The following CASP10 variants were observed in gnomAD, a reference collection of about 807,000 sequenced individuals.
CASP10 encodes caspase 10, also known as caspase-10.
Under a neutral mutation model 48.5 loss-of-function variants are expected in CASP10, and 41 were observed. The ratio of observed to expected loss-of-function variants is 0.85; its 90% CI spans 0.66 to 1.10. The LOEUF (loss-of-function observed/expected upper bound fraction) is 1.10, where lower values mean the gene tolerates loss of function less well. Ranked by LOEUF, CASP10 falls within the 50% of genes least tolerant of loss-of-function variation. The probability of loss-of-function intolerance (pLI) is 0.00; values close to 1 mark genes in which losing one functional copy is unlikely to be tolerated. For missense variants in CASP10, 614 were observed against 614.5 expected (o/e 1.00, Z 0.01); for synonymous variants, 232 against 238.4 (o/e 0.97, Z 0.25).
At chr2:201,225,337 T>C (rs1438879912), downstream of CASP10, among the ~76,000 whole-genome samples, 3 of 152,224 alleles carry the variant, frequency 2.0e-5, no homozygotes, top group Non-Finnish European at 4.4e-5. Context: ...TATAAATCCT[T>C]GTCCTCCAAA....
rs1443686978 is a variant in CASP10 at position 201,221,163 on chromosome 2, G to A, written c.*3422G>A. The A allele has an allele frequency of 1.0e-6, 1 of 985,394 alleles. No individual in the cohort carries two copies. Among genetic ancestry groups the A allele is most frequent in the Non-Finnish European group, 1.2e-6 (1 of 829,940 alleles). 61.0% of individuals were successfully genotyped at this position (985,394 alleles called of 1,614,324 possible). ...GTAATTCCAGCTGACTTTATTAGCG[G>A]CAACTCAGCACTAGCATTACCCCTG... On this transcript the variant is annotated 3_prime_UTR_variant, in exon 10 of 10. Coordinates refer to ENST00000286186, the MANE Select transcript of CASP10 (RefSeq NM_032977.4).
chr2:201,195,930 A>T lies in CASP10; in HGVS notation c.666A>T (p.Thr222=). The T allele has an allele frequency of 6.2e-7, 1 of 1,613,376 alleles. No individual in the cohort carries two copies. The highest frequency in any genetic ancestry group is 8.5e-7 in the Non-Finnish European group (1 of 1,179,336). The change falls in exon 5 of 10, where the codon ACA becomes ACT. Residue 222 remains threonine (T), a synonymous_variant. Coordinates refer to ENST00000286186, the MANE Select transcript of CASP10 (RefSeq NM_032977.4). ...EELVSQTDVK[T]FLEALPQESW... ...TAGTTTCCCAAACAGATGTTAAGAC[A>T]TTCTTGGAAGCCTTACCGGTAGGTT...
intron 5 of CASP10, among the ~76,000 whole-genome samples, chr2:201,202,947 T>C (rs1945072234): frequency 6.6e-6 from 1 of 152,232 alleles, no homozygotes; most frequent in Non-Finnish European, 1.5e-5. Context: ...TTTTTATTTG[T>C]TTTTTGATTT....
intron 5 of CASP10, among the ~76,000 whole-genome samples, chr2:201,203,473 A>C (rs1206253961): frequency 1.3e-5 from 2 of 151,870 alleles, no homozygotes; most frequent in African/African-American, 4.8e-5. Context: ...CACCCGGCTA[A>C]TTTTTTTATT....
intron 9 of CASP10, chr2:201,214,864 GGAT>G (rs1945518081): frequency 6.6e-6 from 1 of 151,926 alleles, no homozygotes; most frequent in African/African-American, 2.4e-5. Context: ...GGCATAGGAG[GGAT>G]GATATTAGGT....
chr2:201,207,756 CAA>C (rs766633480), intron 7 of CASP10, among the ~76,000 whole-genome samples: 8 of 127,678 alleles, frequency 6.3e-5, no homozygotes, highest in Admixed American at 8.1e-5. Flanking sequence ...GATGCTGTCT[CAA>C]AAAAAAAAAA....
At chr2:201,198,258 C>G (rs1283483855) in intron 5 of CASP10, among the ~76,000 whole-genome samples, 9 of 146,426 alleles carry the variant, frequency 6.1e-5, no homozygotes, top group Non-Finnish European at 1.3e-4. Context: ...GAGTCTCACT[C>G]TGTCGCCCAG....
chr2:201,189,381 G>C (rs1186926293), intron 3 of CASP10, among the ~76,000 whole-genome samples: 3 of 150,770 alleles, frequency 2.0e-5, no homozygotes, highest in Non-Finnish European at 4.4e-5. Flanking sequence ...TGATTCTCCT[G>C]CCTCAGCCTC....
intron 5 of CASP10, among the ~76,000 whole-genome samples, chr2:201,196,898 T>C (rs1274062322): frequency 3.9e-5 from 6 of 152,164 alleles, no homozygotes; most frequent in Admixed American, 3.9e-4. Context: ...TAAATTTGAC[T>C]TTTCAGGGTA....
Position 201,217,922 on chromosome 2 carries a change from T to A in CASP10, c.*181T>A. 1.4e-6 allele frequency: 2 copies of A among 1,448,044 alleles called. No individual in the cohort carries two copies. The highest frequency in any genetic ancestry group is 1.8e-6 in the Non-Finnish European group (2 of 1,101,224). 89.7% of individuals were successfully genotyped at this position (1,448,044 alleles called of 1,614,324 possible). ...TTGCAAGTCTAAATGTTAGAAAACT[T>A]TCTTTTTTTTGGAGATAGTCTCATT... On this transcript the variant is annotated 3_prime_UTR_variant, in exon 10 of 10. Transcript: ENST00000286186.
intron 5 of CASP10, among the ~76,000 whole-genome samples, chr2:201,202,512 T>C (rs1053436011): frequency 6.6e-6 from 1 of 152,212 alleles, no homozygotes; most frequent in Non-Finnish European, 1.5e-5. Context: ...AGCCTGCTGC[T>C]GTGTCTGCAT....
chr2:201,222,115 A>G (rs957789714), downstream of CASP10, among the ~76,000 whole-genome samples: 2 of 152,290 alleles, frequency 1.3e-5, no homozygotes, highest in African/African-American at 4.8e-5. Flanking sequence ...TATGAGGGGA[A>G]TAGGTAGATT....
At chr2:201,217,542 G>C (rs754524180) in intron 9 of CASP10, 46 bp from the exon 10 acceptor site, 2 of 1,320,934 alleles carry the variant, frequency 1.5e-6, no homozygotes, top group South Asian at 1.2e-5. Context: ...CTGGGCGACA[G>C]AGTGAGACTC....
At chr2:201,198,539 C>CTTTTTTTTTTTTTTT (rs34234167) in intron 5 of CASP10, among the ~76,000 whole-genome samples, 1 of 87,980 alleles carries the variant, frequency 1.1e-5, no homozygotes, top group Non-Finnish European at 2.1e-5. Context: ...TTTTTTAATT[C>CTTTTTTTTTTTTTTT]TTTTTTTTTT....
At chr2:201,210,852 AATT>A (rs1576130776) in intron 9 of CASP10, among the ~76,000 whole-genome samples, 1 of 152,214 alleles carries the variant, frequency 6.6e-6, no homozygotes, top group Admixed American at 6.6e-5. Flanking sequence ...TGAATATTTA[AATT>A]ATTATTATTT....
chr2:201,200,750 T>G, intron 5 of CASP10: 6 of 1,208,838 alleles, frequency 5.0e-6, no homozygotes, highest in Non-Finnish European at 5.1e-6. Flanking sequence ...TGTGAGTTTA[T>G]TCATTTGAAT....
At chr2:201,207,177 G>A (rs898842423) in intron 7 of CASP10, among the ~76,000 whole-genome samples, 1 of 152,108 alleles carries the variant, frequency 6.6e-6, no homozygotes. Context: ...CTGGGCTCTA[G>A]GACTTAAAAA....
intron 5 of CASP10, chr2:201,200,522 G>A (rs762646196): frequency 2.5e-6 from 4 of 1,598,138 alleles, no homozygotes; most frequent in Non-Finnish European, 3.4e-6. Flanking sequence ...CTTGGCAAAG[G>A]CTGGGCAAAC....
At position 201,220,177 on chromosome 2, in the gene CASP10, C is replaced by T. The variant is rs1438333434; in HGVS notation, c.*2436C>T. ...CTAATCTATATTGACAGGGCAGGAA[C>T]ACCGTCATCTTAGACAAACACCGCC... On this transcript the variant is annotated 3_prime_UTR_variant, in exon 10 of 10. Coordinates refer to ENST00000286186, the MANE Select transcript of CASP10 (RefSeq NM_032977.4). 2.0e-6 allele frequency: 2 copies of T among 982,416 alleles called. No individual in the cohort carries two copies. Among genetic ancestry groups the T allele is most frequent in the African/African-American group, 3.5e-5 (2 of 57,182 alleles). 60.9% of individuals were successfully genotyped at this position (982,416 alleles called of 1,614,324 possible).
Sources: gnomAD v4.1 joint callset for allele counts (sites outside exome capture counted in the v4.1 genomes callset) on GRCh38, gnomAD v4.1.1 for gene constraint, MANE v1.5 for transcripts, NCBI Gene and HGNC (gene_info 2026-07-23, HGNC 2026-07-21) for gene names.